SLC24A4: variants seen among roughly 807,000 people sequenced by gnomAD.
SLC24A4 encodes solute carrier family 24 member 4.
Under a neutral mutation model 79.0 loss-of-function variants are expected in SLC24A4, and 53 were observed. That is an observed-to-expected ratio of 0.67 (90% confidence interval 0.54 to 0.84). The LOEUF (loss-of-function observed/expected upper bound fraction) is 0.84, where lower values mean the gene tolerates loss of function less well. Among genes scored for constraint, SLC24A4 ranks in the 40% least tolerant of loss-of-function variants. The pLI, the probability that SLC24A4 is intolerant of heterozygous loss-of-function variation, is 0.00. For missense variants in SLC24A4, 731 were observed against 822.0 expected (o/e 0.89, Z 1.35); for synonymous variants, 323 against 323.8 (o/e 1.00, Z 0.03).
intron 2 of SLC24A4, among the ~76,000 whole-genome samples, chr14:92,354,475 G>A (rs1019251518): frequency 5.9e-5 from 9 of 152,008 alleles, no homozygotes; most frequent in African/African-American, 2.2e-4. Context: ...TTATAGTTTT[G>A]GGACCACAGT....
intron 12 of SLC24A4, among the ~76,000 whole-genome samples, chr14:92,480,545 G>A (rs866951773): frequency 1.3e-5 from 2 of 150,762 alleles, no homozygotes; most frequent in African/African-American, 2.4e-5. Flanking sequence ...CACCCGCCTC[G>A]GCCTCCCAAA....
At chr14:92,469,413 G>T (rs1205262103) in intron 12 of SLC24A4, among the ~76,000 whole-genome samples, 1 of 152,112 alleles carries the variant, frequency 6.6e-6, no homozygotes, top group East Asian at 1.9e-4. Context: ...GGAGGCTGAG[G>T]CAGGAGAATG....
At chr14:92,444,010 G>A (rs1892649448) in intron 7 of SLC24A4, among the ~76,000 whole-genome samples, 1 of 151,890 alleles carries the variant, frequency 6.6e-6, no homozygotes. Flanking sequence ...TACCTGCCGT[G>A]TATGCCGTAT....
chr14:92,323,741 C>T lies in SLC24A4; in HGVS notation c.-90C>T, dbSNP rs1884933693. ...TCGCCTCTGAGTCGCGCACCGCCTGCTCCAGCCCCAGCGCCGCTCGGCCAC... is the reference window on the plus strand; with the variant it reads ...TCGCCTCTGAGTCGCGCACCGCCTGTTCCAGCCCCAGCGCCGCTCGGCCAC... On this transcript the variant is annotated 5_prime_UTR_variant, in exon 1 of 17. Coordinates refer to ENST00000532405, the MANE Select transcript of SLC24A4 (RefSeq NM_153646.4). The surrounding 1 kb of genome is among the most constrained non-coding windows in gnomAD (Gnocchi z 4.9). The T allele has an allele frequency of 6.8e-7, 1 of 1,462,036 alleles. No individual in the cohort carries two copies. The highest frequency in any genetic ancestry group is 9.1e-7 in the Non-Finnish European group (1 of 1,103,630). The allele number at this position is 1,462,036 out of a possible 1,614,324, so 90.6% of individuals were successfully genotyped here.
chr14:92,443,315 C>A, intron 6 of SLC24A4, 85 bp from the exon 7 acceptor site: 1 of 1,281,922 alleles, frequency 7.8e-7, no homozygotes, highest in Non-Finnish European at 1.1e-6. Flanking sequence ...GCATGCCCTG[C>A]ACTGCGGGGG....
At chr14:92,445,433 T>G in intron 8 of SLC24A4, 91 bp downstream of exon 8, 2 of 1,355,066 alleles carry the variant, frequency 1.5e-6, no homozygotes, top group Non-Finnish European at 2.1e-6. Context: ...TTTTAAAAAT[T>G]ATTTTTATAA....
At chr14:92,385,475 G>A (rs988565595) in intron 2 of SLC24A4, among the ~76,000 whole-genome samples, 3 of 148,758 alleles carry the variant, frequency 2.0e-5, no homozygotes, top group Admixed American at 6.7e-5. Flanking sequence ...CCAGCCTGGC[G>A]ACAGAGCGAG....
At chr14:92,332,279 C>A (rs1275970046) in intron 2 of SLC24A4, among the ~76,000 whole-genome samples, 1 of 152,076 alleles carries the variant, frequency 6.6e-6, no homozygotes, top group African/African-American at 2.4e-5. Context: ...GAGACTCCAT[C>A]TCAAAAAAAC....
intron 2 of SLC24A4, among the ~76,000 whole-genome samples, chr14:92,407,857 T>TTTTGTG (rs1890478129): frequency 7.0e-6 from 1 of 143,590 alleles, no homozygotes; most frequent in African/African-American, 2.6e-5. Flanking sequence ...CAGAGTGATA[T>TTTTGTG]TGTGTGTGTG....
chr14:92,392,183 T>C (rs1889512247), intron 2 of SLC24A4, among the ~76,000 whole-genome samples: 1 of 151,314 alleles, frequency 6.6e-6, no homozygotes, highest in African/African-American at 2.4e-5. Context: ...GTGTCTGGGG[T>C]AAGGCAGGAC....
chr14:92,437,299 A>G (rs1892229166), intron 3 of SLC24A4, among the ~76,000 whole-genome samples: 1 of 152,140 alleles, frequency 6.6e-6, no homozygotes, highest in Admixed American at 6.5e-5. Flanking sequence ...GTTTCCTGGT[A>G]GATATTTTAC....
intron 2 of SLC24A4, among the ~76,000 whole-genome samples, chr14:92,354,723 G>A (rs1194854972): frequency 6.6e-6 from 1 of 152,074 alleles, no homozygotes; most frequent in East Asian, 1.9e-4. Flanking sequence ...CAAGCTCCCA[G>A]GTGAGACTGA....
chr14:92,450,846 C>G (rs1388524493), intron 10 of SLC24A4: 1 of 152,632 alleles, frequency 6.6e-6, no homozygotes, highest in Non-Finnish European at 1.5e-5. Context: ...CCTCCCAGGA[C>G]CCTGCAGGAA....
At chr14:92,385,318 A>G (rs1395490785) in intron 2 of SLC24A4, among the ~76,000 whole-genome samples, 1 of 152,110 alleles carries the variant, frequency 6.6e-6, no homozygotes, top group Non-Finnish European at 1.5e-5. Flanking sequence ...CATCCTGGCC[A>G]ACATGGTGAA....
chr14:92,418,527 T>A (rs1891106491), intron 2 of SLC24A4, among the ~76,000 whole-genome samples: 1 of 152,192 alleles, frequency 6.6e-6, no homozygotes, highest in Non-Finnish European at 1.5e-5. Context: ...AAGAGATTTA[T>A]TTTAAAGAAT....
At chr14:92,443,655 C>T (rs971732849) in intron 7 of SLC24A4, among the ~76,000 whole-genome samples, 181 bp downstream of exon 7, 1 of 152,322 alleles carries the variant, frequency 6.6e-6, no homozygotes, top group East Asian at 1.9e-4. Context: ...CACTGTGCCT[C>T]CCTTTCCCCA....
intron 2 of SLC24A4, among the ~76,000 whole-genome samples, chr14:92,343,405 C>T (rs1227173001): frequency 6.6e-6 from 1 of 152,156 alleles, no homozygotes; most frequent in African/African-American, 2.4e-5. Context: ...GATTCCCCAT[C>T]ACCCTCCACA....
intron 6 of SLC24A4, 99 bp from the exon 7 acceptor site, chr14:92,443,301 G>A: frequency 9.0e-7 from 1 of 1,108,792 alleles, no homozygotes; most frequent in South Asian, 1.3e-5. Context: ...GTGGAGCTCT[G>A]TGGGCATGCC....
chr14:92,478,110 G>A (rs1894872332), intron 12 of SLC24A4, among the ~76,000 whole-genome samples: 1 of 152,128 alleles, frequency 6.6e-6, no homozygotes, highest in Non-Finnish European at 1.5e-5. Context: ...CCCAGCCCCA[G>A]CCTCACTTTC....
Sources: gnomAD v4.1 joint callset for allele counts (sites outside exome capture counted in the v4.1 genomes callset) on GRCh38, gnomAD v4.1.1 for gene constraint, Gnocchi (gnomAD v3.1) non-coding constraint, MANE v1.5 for transcripts, NCBI Gene and HGNC (gene_info 2026-07-23, HGNC 2026-07-21) for gene names.